The following AVEN variants were observed in gnomAD, a reference collection of about 807,000 sequenced individuals.
AVEN encodes apoptosis and caspase activation inhibitor.
A neutral mutation model predicts 38.1 loss-of-function variants in AVEN; 41 were observed. The observed-to-expected ratio is 1.08, with a 90% CI of 0.84 to 1.40. AVEN has a LOEUF of 1.40. Ranked by LOEUF, AVEN falls within the 40% of genes most tolerant of loss-of-function variation. The pLI is 0.00. For synonymous variants in AVEN, 206 were observed against 171.8 expected (o/e 1.20, Z -1.56); for missense variants, 605 against 438.8 (o/e 1.38, Z -3.38).
intron 5 of AVEN, among the ~76,000 whole-genome samples, chr15:34,060,033 T>G (rs1191902539): frequency 6.6e-6 from 1 of 152,182 alleles, no homozygotes; most frequent in Admixed American, 6.5e-5. Flanking sequence ...CCACAGGCCC[T>G]TTTTTGCACT....
upstream of AVEN, among the ~76,000 whole-genome samples, chr15:34,075,181 C>CAAAAAAAAAAAAAAAAAAAAAA (rs58860397): frequency 1.5e-5 from 1 of 67,294 alleles, no homozygotes. Context: ...GACTCTGGCT[C>CAAAAAAAAAAAAAAAAAAAAAA]AAAAAAAAAA....
At chr15:33,856,296 C>G (rs1023728841), downstream of AVEN, 3 of 152,372 alleles carry the variant, frequency 2.0e-5, no homozygotes, top group South Asian at 2.1e-4. Flanking sequence ...TCCTCTGGTG[C>G]TGATCTTCAC....
chr15:33,867,772 G>C lies in AVEN; in HGVS notation c.696C>G (p.Pro232=). 1 of 1,614,074 alleles carries C rather than the reference G, an allele frequency of 6.2e-7. No individual in the cohort carries two copies. ...TGGGCCCCCTTCCTCCAGGCCCCAA[G>C]GGCCCCTTTAACTGCATCCCTAATC... ...GKGLGMQLKG[P]LGPGGRGPIF... Residue 232 remains proline, a synonymous_variant, in exon 5 of 6, where the codon CCC becomes CCG. Transcript: ENST00000306730.
rs1567382159 is a variant in AVEN, at chr15:33,866,637, G to GTCTTCCAGC, written c.1056_1064dup (p.Glu352_Glu354dup). 6.2e-7 allele frequency: 1 copy of GTCTTCCAGC among 1,613,886 alleles called. No individual in the cohort carries two copies. The highest frequency in any genetic ancestry group is 1.1e-5 in the South Asian group (1 of 91,052). On this transcript the variant is annotated inframe_insertion, in exon 6 of 6. Transcript: ENST00000306730. ...TTTAGGAAATCATGCTGTCCAACCA[G>GTCTTCCAGC]TCTTCCAGCTCTTCCTCGGTAACAT...
intron 5 of AVEN, among the ~76,000 whole-genome samples, chr15:34,049,069 C>G (rs1201096147): frequency 6.6e-6 from 1 of 152,162 alleles, no homozygotes; most frequent in African/African-American, 2.4e-5. Flanking sequence ...CCTCAAAGCT[C>G]AAAGGTAGAT....
intron 1 of AVEN, among the ~76,000 whole-genome samples, chr15:34,027,706 T>C (rs1898553610): frequency 6.6e-6 from 1 of 151,972 alleles, no homozygotes. Context: ...GGCCTTGACG[T>C]TATCCACCAG....
chr15:33,860,959 T>C, intron 11 of AVEN: 5 of 786,704 alleles, frequency 6.4e-6, no homozygotes, highest in Non-Finnish European at 8.3e-6. Context: ...GAATGACTAA[T>C]AGCCAAAAGC....
Position 34,009,378 on chromosome 15 carries a change from T to A in AVEN, c.268-6169A>T, listed in dbSNP as rs76969542. Reference sequence around the variant, plus strand: ...AACTATAAAATATCACATAAATGCATATTTCTTCTCTTGTCTTCCCTTTAC... The same window carrying A: ...AACTATAAAATATCACATAAATGCAAATTTCTTCTCTTGTCTTCCCTTTAC... On this transcript the variant is annotated intron_variant, in intron 1 of 5. Transcript: ENST00000306730. 9.9e-3 allele frequency among the ~76,000 whole-genome samples: 1,507 copies of A among 152,316 alleles called. 34 individuals are homozygous for A. The highest frequency in any genetic ancestry group is 0.035 in the African/African-American group (1,439 of 41,562).
intron 1 of AVEN, among the ~76,000 whole-genome samples, chr15:34,028,516 C>A (rs2243764): frequency 2.0e-5 from 3 of 152,226 alleles, no homozygotes; most frequent in African/African-American, 4.8e-5. Context: ...GGTGAGCTAT[C>A]ATCATGCCAT....
At chr15:33,944,809 G>GAA (rs530925637) in intron 2 of AVEN, among the ~76,000 whole-genome samples, 15 of 134,202 alleles carry the variant, frequency 1.1e-4, no homozygotes, top group African/African-American at 3.5e-4. Context: ...ACTCAGTCTC[G>GAA]AAAAAAAAAA....
At chr15:33,862,551 C>T (rs146800558), downstream of AVEN, among the ~76,000 whole-genome samples, 3 of 152,306 alleles carry the variant, frequency 2.0e-5, no homozygotes, top group Admixed American at 6.5e-5. Flanking sequence ...TTGGAGAAGG[C>T]ATTGTCAGAA....
chr15:34,065,978 A>G (rs1475857518), exon 4 of AVEN: 1 of 152,230 alleles, frequency 6.6e-6, no homozygotes, highest in Non-Finnish European at 1.5e-5. Context: ...GTACCTGAGT[A>G]TGGGAGAGCT....
chr15:34,007,791 G>T (rs1348019692), intron 1 of AVEN, among the ~76,000 whole-genome samples: 2 of 152,184 alleles, frequency 1.3e-5, no homozygotes, highest in Admixed American at 6.5e-5. Context: ...GGTATTGGTA[G>T]GGTTGGCTCT....
At chr15:33,855,887 C>G (rs1014276994), downstream of AVEN, 7 of 152,282 alleles carry the variant, frequency 4.6e-5, no homozygotes, top group Non-Finnish European at 8.8e-5. Flanking sequence ...TATACAGATT[C>G]AAACTGTTTA....
chr15:33,887,704 A>C (rs1218008093), intron 2 of AVEN, among the ~76,000 whole-genome samples: 1 of 152,168 alleles, frequency 6.6e-6, no homozygotes, highest in Non-Finnish European at 1.5e-5. Context: ...AGGAAATCTG[A>C]ATTCTTTCCT....
intron 3 of AVEN, among the ~76,000 whole-genome samples, chr15:33,874,891 C>T (rs1891154208): frequency 6.6e-6 from 1 of 152,216 alleles, no homozygotes; most frequent in Non-Finnish European, 1.5e-5. Context: ...CTACCATATT[C>T]CTCAACAATC....
chr15:33,966,199 A>T (rs1895375651), intron 2 of AVEN, among the ~76,000 whole-genome samples: 1 of 152,178 alleles, frequency 6.6e-6, no homozygotes, highest in Admixed American at 6.5e-5. Context: ...ATATTTGCAA[A>T]GTGTTCTCCT....
Position 33,866,553 on chromosome 15 carries a change from T to A in AVEN, c.*60A>T. ...ACTGGCTGGTCCTGAAGGACAGCCT[T>A]ATGCCCACCTGCCGTTAGAAGGCAA... is the stretch of plus-strand genomic sequence containing the variant. On this transcript the variant is annotated 3_prime_UTR_variant, in exon 6 of 6. Coordinates refer to ENST00000306730, the MANE Select transcript of AVEN (RefSeq NM_020371.3). The A allele has an allele frequency of 7.6e-7, 1 of 1,312,994 alleles. No homozygotes were observed. The highest frequency in any genetic ancestry group is 1.2e-5 in the South Asian group (1 of 82,424). The allele number at this position is 1,312,994 out of a possible 1,614,324, so 81.3% of individuals were successfully genotyped here.
intron 1 of AVEN, among the ~76,000 whole-genome samples, chr15:34,005,896 T>G (rs1378920391): frequency 2.0e-5 from 3 of 152,228 alleles, no homozygotes; most frequent in Admixed American, 6.5e-5. Flanking sequence ...ATCTAGGGAC[T>G]GCAAAGACTG....
Sources: gnomAD v4.1 joint callset for allele counts (sites outside exome capture counted in the v4.1 genomes callset) on GRCh38, gnomAD v4.1.1 for gene constraint, MANE v1.5 for transcripts, NCBI Gene and HGNC (gene_info 2026-07-23, HGNC 2026-07-21) for gene names.